Variants in PTPRG observed in about 807,000 individuals in gnomAD.
PTPRG encodes protein tyrosine phosphatase receptor type G.
PTPRG carries 102 observed loss-of-function variants against 165.3 expected under a neutral mutation model. The ratio of observed to expected loss-of-function variants is 0.62; its 90% CI spans 0.53 to 0.73. PTPRG has a LOEUF of 0.73. PTPRG is among the 30% of genes least tolerant of loss of function. The pLI is 0.00. For missense variants in PTPRG, 1,866 were observed against 1,861.4 expected, an observed-to-expected ratio of 1.00 and a Z score of -0.05; for synonymous variants, 675 against 669.5, an observed-to-expected ratio of 1.01 and a Z score of -0.13.
chr3:61,744,775 G>C (rs190617355), intron 1 of PTPRG, among the ~76,000 whole-genome samples: 1 of 152,250 alleles, frequency 6.6e-6, no homozygotes, highest in East Asian at 1.9e-4. Flanking sequence ...TAAAAGTCCT[G>C]CCCTGTTCAT....
chr3:62,029,771 C>G (rs1427897998), intron 4 of PTPRG, among the ~76,000 whole-genome samples: 3 of 152,170 alleles, frequency 2.0e-5, no homozygotes, highest in Non-Finnish European at 4.4e-5. Context: ...TCAGGTCTTC[C>G]TCCATAAGAC....
At chr3:62,064,233 A>G (rs916191754) in intron 4 of PTPRG, among the ~76,000 whole-genome samples, 1 of 152,226 alleles carries the variant, frequency 6.6e-6, no homozygotes, top group Non-Finnish European at 1.5e-5. Flanking sequence ...TTCTCCCCAG[A>G]GAAAACTACT....
At chr3:62,081,834 G>T (rs1461519642) in intron 5 of PTPRG, among the ~76,000 whole-genome samples, 2 of 152,148 alleles carry the variant, frequency 1.3e-5, no homozygotes, top group African/African-American at 2.4e-5. Flanking sequence ...AGAAATCTTG[G>T]TGTATATTTC....
chr3:61,712,793 C>CT (rs754746121), intron 1 of PTPRG, among the ~76,000 whole-genome samples: 34 of 152,166 alleles, frequency 2.2e-4, no homozygotes, highest in Admixed American at 7.2e-4. Flanking sequence ...TCTTCTTTTG[C>CT]TTATGCATAC....
intron 8 of PTPRG, among the ~76,000 whole-genome samples, chr3:62,178,221 G>A (rs1163680458): frequency 1.3e-5 from 2 of 151,986 alleles, no homozygotes; most frequent in Non-Finnish European, 2.9e-5. Context: ...GAGGATGGAT[G>A]GATGCATGGA....
rs558580543 is a variant in PTPRG, at chr3:61,674,104, A to G, written c.86-74774A>G. ...TAGATGACGGGTTGATGGGTGCAGC[A>G]AACCACCATGGCACGTGTATACCTA... is the stretch of plus-strand genomic sequence containing the variant. On this transcript the variant is annotated intron_variant, in intron 1 of 29. Coordinates refer to ENST00000474889, the MANE Select transcript of PTPRG (RefSeq NM_002841.4). Among the ~76,000 whole-genome samples the G allele has an allele frequency of 3.2e-4, 49 of 152,082 alleles. 1 individual carries two copies. The East Asian group carries it at 9.3e-3, about 29-fold the overall frequency.
At chr3:62,143,904 C>T (rs1334408109) in intron 6 of PTPRG, among the ~76,000 whole-genome samples, 6 of 152,110 alleles carry the variant, frequency 3.9e-5, no homozygotes, top group Admixed American at 1.3e-4. Flanking sequence ...GCTTATCTCA[C>T]GAGTATCATC....
chr3:62,200,142 A>C (rs1700063556), intron 10 of PTPRG, among the ~76,000 whole-genome samples: 1 of 152,236 alleles, frequency 6.6e-6, no homozygotes, highest in South Asian at 2.1e-4. Context: ...GTTTTGCAAG[A>C]TGACAAAGTT....
Position 62,203,465 on chromosome 3 carries a change from A to T in PTPRG, c.1670A>T (p.Glu557Val). The T allele has an allele frequency of 6.3e-7, 1 of 1,584,048 alleles. No individual in the cohort carries two copies. The highest frequency in any genetic ancestry group is 8.6e-7 in the Non-Finnish European group (1 of 1,164,256). Reference protein sequence around the residue: ...QAARPVLATTEALASPGPDGD... With the variant: ...QAARPVLATTVALASPGPDGD... ...GCTAGGCCAGTCCTAGCCACCACAG[A>T]GGCCTTGGCTTCTCCAGGGCCCGAT... The change falls in exon 12 of 30, where the codon GAG (glutamate) becomes GTG (valine). Residue 557 changes from glutamate (E) to valine (V), a missense_variant. Physicochemically the swap from Glu to Val is moderately radical, Grantham distance 121. Coordinates refer to ENST00000474889, the MANE Select transcript of PTPRG (RefSeq NM_002841.4). The surrounding 1 kb of genome is among the most constrained non-coding windows in gnomAD (Gnocchi z 6.4).
At position 61,905,684 on chromosome 3, in the gene PTPRG, A is replaced by G. The variant is rs150386871; in HGVS notation, c.191-83941A>G. 7.9e-5 allele frequency among the ~76,000 whole-genome samples: 12 copies of G among 152,336 alleles called. No individual in the cohort carries two copies. The East Asian group carries it at 1.9e-3, about 24-fold the overall frequency. Reference sequence around the variant, plus strand: ...AGAGAGAACTTCTGAAGTCAAACCAAGCAGGTTCAGATATCTGCCCAACTT... The same window carrying G: ...AGAGAGAACTTCTGAAGTCAAACCAGGCAGGTTCAGATATCTGCCCAACTT... On this transcript the variant is annotated intron_variant, in intron 2 of 29. Coordinates refer to ENST00000474889, the MANE Select transcript of PTPRG (RefSeq NM_002841.4).
At chr3:62,136,903 C>T (rs116608002) in intron 6 of PTPRG, among the ~76,000 whole-genome samples, 1 of 152,182 alleles carries the variant, frequency 6.6e-6, no homozygotes, top group African/African-American at 2.4e-5. Flanking sequence ...CAGACTAATA[C>T]AGTAACATTG....
intron 4 of PTPRG, among the ~76,000 whole-genome samples, chr3:62,033,162 CCTT>C (rs1559757790): frequency 6.6e-6 from 1 of 152,042 alleles, no homozygotes; most frequent in African/African-American, 2.4e-5. Flanking sequence ...GCTTTAATGA[CCTT>C]CTTTAAAAGG....
chr3:61,883,585 A>T (rs1051105339), intron 2 of PTPRG, among the ~76,000 whole-genome samples: 1 of 152,228 alleles, frequency 6.6e-6, no homozygotes, highest in Admixed American at 6.5e-5. Flanking sequence ...GGACAAAAAA[A>T]TAGTGTCTGT....
intron 16 of PTPRG, among the ~76,000 whole-genome samples, chr3:62,258,560 A>G (rs1021538382): frequency 1.3e-5 from 2 of 152,228 alleles, no homozygotes; most frequent in Non-Finnish European, 2.9e-5. Flanking sequence ...CGGAAGTAAA[A>G]AAATGTTGGT....
chr3:62,272,883 C>T lies in PTPRG; in HGVS notation c.3183-63C>T, dbSNP rs530976656. On this transcript the variant is annotated intron_variant, in intron 21 of 29. Transcript: ENST00000474889. ...AAATGGGGTTTAGATTGGAATTTTT[C>T]GAATCCAAAGTTAACAGTATGATAA... 18 of 1,432,002 alleles carry T rather than the reference C, an allele frequency of 1.3e-5. No individual in the cohort carries two copies. The East Asian group carries it at 2.9e-4, about 23-fold the overall frequency. 88.7% of individuals were successfully genotyped at this position (1,432,002 alleles called of 1,614,324 possible).
At chr3:61,969,138 C>T (rs1305381677) in intron 2 of PTPRG, among the ~76,000 whole-genome samples, 2 of 152,244 alleles carry the variant, frequency 1.3e-5, no homozygotes, top group South Asian at 2.1e-4. Flanking sequence ...TAAAATGAAA[C>T]ACTACAGGCC....
chr3:62,043,626 C>A (rs1318591089), intron 4 of PTPRG, among the ~76,000 whole-genome samples: 2 of 152,162 alleles, frequency 1.3e-5, no homozygotes, highest in Admixed American at 1.3e-4. Flanking sequence ...AGAAATAGAT[C>A]ATATACTTCG....
chr3:62,218,640 C>T (rs1389619139), intron 12 of PTPRG, among the ~76,000 whole-genome samples: 3 of 152,182 alleles, frequency 2.0e-5, no homozygotes. Flanking sequence ...CTGCCAATTA[C>T]AGAATGCAGC....
Position 61,989,688 on chromosome 3 carries a change from C to T in PTPRG, c.254C>T (p.Pro85Leu), listed in dbSNP as rs1337894893. The change falls in exon 3 of 30, where the codon CCT (proline) becomes CTT (leucine). Residue 85 changes from proline (P) to leucine (L), a missense_variant. Physicochemically the swap from Pro to Leu is moderately conservative, Grantham distance 98. Coordinates refer to ENST00000474889, the MANE Select transcript of PTPRG (RefSeq NM_002841.4). ...AGCTGTGGGGGCCGTCACCAGTCTCCTATTGACATTTTAGACCAGTATGCG... is the reference window on the plus strand; with the variant it reads ...AGCTGTGGGGGCCGTCACCAGTCTCTTATTGACATTTTAGACCAGTATGCG... ...SVSCGGRHQS[P>L]IDILDQYARV... The T allele has an allele frequency of 6.2e-7, 1 of 1,614,146 alleles. No homozygotes were observed. Among genetic ancestry groups the T allele is most frequent in the Non-Finnish European group, 8.5e-7 (1 of 1,180,018 alleles).
Sources: allele counts gnomAD v4.1 joint callset (sites outside exome capture counted in the v4.1 genomes callset), GRCh38; gene constraint gnomAD v4.1.1; non-coding constraint Gnocchi (gnomAD v3.1); transcripts MANE v1.5; gene names NCBI Gene and HGNC (gene_info 2026-07-23, HGNC 2026-07-21).